The following ACSBG2 variants were observed in gnomAD, a reference collection of about 807,000 sequenced individuals.
The protein encoded by ACSBG2 is acyl-CoA synthetase bubblegum family member 2.
ACSBG2 carries 62 observed loss-of-function variants against 74.7 expected under a neutral mutation model. The observed-to-expected ratio is 0.83, with a 90% CI of 0.68 to 1.03. The LOEUF (loss-of-function observed/expected upper bound fraction) is 1.03. ACSBG2 is among the 50% of genes least tolerant of loss of function. The pLI, the probability that ACSBG2 is intolerant of heterozygous loss-of-function variation, is 0.00. For synonymous variants in ACSBG2, 309 were observed against 294.1 expected, an observed-to-expected ratio of 1.05 and a Z score of -0.52; for missense variants, 730 against 817.6, an observed-to-expected ratio of 0.89 and a Z score of 1.31.
chr19:6,177,739 CTTTT>C (rs34354988), intron 8 of ACSBG2, among the ~76,000 whole-genome samples: 181 of 150,466 alleles, frequency 1.2e-3, no homozygotes, highest in Middle Eastern at 3.4e-3. Flanking sequence ...AATAAAACAA[CTTTT>C]TTTTTTTTTT....
chr19:6,146,449 A>G (rs1568218729), intron 2 of ACSBG2, among the ~76,000 whole-genome samples: 1 of 143,120 alleles, frequency 7.0e-6, no homozygotes, highest in Admixed American at 7.2e-5. Flanking sequence ...CAGCCTGGGC[A>G]AAAGAGTGAG....
chr19:6,143,331 C>T (rs1055451139), intron 2 of ACSBG2, among the ~76,000 whole-genome samples: 4 of 151,912 alleles, frequency 2.6e-5, no homozygotes, highest in African/African-American at 9.7e-5. Context: ...TTGCAGTGAG[C>T]CAAGATCACA....
chr19:6,190,808 T>TACATAC (rs1202114244), intron 14 of ACSBG2, 116 bp downstream of exon 14: 3 of 387,634 alleles, frequency 7.7e-6, no homozygotes, highest in Middle Eastern at 1.4e-3. Flanking sequence ...CATACACACA[T>TACATAC]ACATACACAC....
rs1291996324 is a variant in ACSBG2, at chr19:6,182,677, G to T, written c.907-74G>T. On this transcript the variant is annotated intron_variant, in intron 8 of 14. Transcript: ENST00000588485. ...GGAATGTTCTCTTGGGCAAAGTTGG[G>T]TGGATCAGGAGAGATGGACATCCCT... 3 of 1,438,340 alleles carry T rather than the reference G, an allele frequency of 2.1e-6. No homozygotes were observed. The African/African-American group carries it at 4.3e-5, about 20-fold the overall frequency. The allele number at this position is 1,438,340 out of a possible 1,614,324, so 89.1% of individuals were successfully genotyped here.
chr19:6,187,292 T>C lies in ACSBG2; in HGVS notation c.1550T>C (p.Ile517Thr). ...YVTGHIKEIL[I>T]TAGGENVPPI... ...CCAAGCTCTGTTCCAGAAATCCTTA[T>C]CACTGCTGGTGGTGAAAATGTGCCC... Residue 517 changes from isoleucine to threonine, a missense_variant, in exon 12 of 15, where the codon ATC becomes ACC. Coordinates refer to ENST00000588485, the MANE Select transcript of ACSBG2 (RefSeq NM_030924.5). 1 of 1,614,166 alleles carries C rather than the reference T, an allele frequency of 6.2e-7. No homozygotes were observed.
rs201972135 is a variant in ACSBG2 at position 6,158,211 on chromosome 19, A to C, written c.507+1660A>C. Among the ~76,000 whole-genome samples the C allele has an allele frequency of 1.3e-4, 20 of 151,966 alleles. No individual in the cohort carries two copies. In the East Asian group the frequency reaches 3.7e-3, roughly 28 times the overall value. On this transcript the variant is annotated intron_variant, in intron 5 of 14. Transcript: ENST00000588485. ...GCTGGGACTACAGGTGCCTGCCACC[A>C]TGTCCAGCTAATTTTTTGTATTTTT...
rs145466665 is a variant in ACSBG2, at chr19:6,142,366, G to C, written c.67+756G>C. 6.0e-3 allele frequency among the ~76,000 whole-genome samples: 920 copies of C among 152,252 alleles called. 11 individuals carry two copies. Among genetic ancestry groups the C allele is most frequent in the African/African-American group, 0.021 (882 of 41,536 alleles). Reference sequence around the variant, plus strand: ...AGACAGCTCTGATACCAGTGGGTTGGGGGAGGTCCCCAAACGCCGGTGGGA... The same window carrying C: ...AGACAGCTCTGATACCAGTGGGTTGCGGGAGGTCCCCAAACGCCGGTGGGA... On this transcript the variant is annotated intron_variant, in intron 2 of 14. Coordinates refer to ENST00000588485, the MANE Select transcript of ACSBG2 (RefSeq NM_030924.5).
chr19:6,178,867 A>G (rs76445144), intron 8 of ACSBG2, among the ~76,000 whole-genome samples: 12,720 of 152,256 alleles, frequency 0.084, 935 homozygotes, highest in African/African-American at 0.2. Flanking sequence ...AAGAAAGGAC[A>G]CACATTCAGC....
rs777996983 is a variant in ACSBG2, at chr19:6,183,292, A to G, written c.1322+20A>G. On this transcript the variant is annotated intron_variant, in intron 10 of 14. Transcript: ENST00000588485. ...TCTAAGGTACCAGCCCCCGGGGCAGACCCCTGCTCCTCCCATAACATGGGG... is the reference window on the plus strand; with the variant it reads ...TCTAAGGTACCAGCCCCCGGGGCAGGCCCCTGCTCCTCCCATAACATGGGG... 2.5e-6 allele frequency: 4 copies of G among 1,605,332 alleles called. No homozygotes were observed. The Admixed American group carries it at 5.0e-5, about 20-fold the overall frequency.
In ACSBG2 at chr19:6,187,371, C is replaced by T. The variant is rs1372247930; in HGVS notation, c.1629C>T (p.Ala543=). 49 of 1,613,980 alleles carry T rather than the reference C, an allele frequency of 3.0e-5. No individual in the cohort carries two copies. The highest frequency in any genetic ancestry group is 4.1e-5 in the Non-Finnish European group (48 of 1,180,038). Residue 543 remains alanine, a synonymous_variant, in exon 12 of 15, where the codon GCC becomes GCT. Coordinates refer to ENST00000588485, the MANE Select transcript of ACSBG2 (RefSeq NM_030924.5). ...AGAAGATCCCCATCATCAGTAACGCCATGTTAGTAGGAGATAAACTGAAGT... is the reference window on the plus strand; with the variant it reads ...AGAAGATCCCCATCATCAGTAACGCTATGTTAGTAGGAGATAAACTGAAGT... ...VKKKIPIISN[A]MLVGDKLKFL...
At chr19:6,138,273 G>A (rs893664934) in intron 1 of ACSBG2, among the ~76,000 whole-genome samples, 5 of 151,938 alleles carry the variant, frequency 3.3e-5, no homozygotes, top group East Asian at 1.9e-4. Flanking sequence ...AGTTCTTGGC[G>A]GCCTCGTGCA....
At chr19:6,138,331 G>A (rs1374156268) in intron 1 of ACSBG2, among the ~76,000 whole-genome samples, 3 of 152,008 alleles carry the variant, frequency 2.0e-5, no homozygotes, top group African/African-American at 7.2e-5. Flanking sequence ...GCGCCTGGGT[G>A]ATGGGCCTCT....
At chr19:6,190,923 G>T (rs973607607) in intron 14 of ACSBG2, 2 of 346,268 alleles carry the variant, frequency 5.8e-6, no homozygotes, top group Non-Finnish European at 5.4e-6. Context: ...GGTCATGGTA[G>T]GGTGTGTAAA....
intron 13 of ACSBG2, 136 bp downstream of exon 13, chr19:6,187,981 C>A (rs1300626981): frequency 1.6e-6 from 2 of 1,272,426 alleles, no homozygotes; most frequent in African/African-American, 1.5e-5. Context: ...AGGCTGCCAC[C>A]TTCAGCTAAC....
At chr19:6,146,276 CCTGG>C (rs1008398624) in intron 2 of ACSBG2, among the ~76,000 whole-genome samples, 2 of 151,250 alleles carry the variant, frequency 1.3e-5, no homozygotes, top group Non-Finnish European at 2.9e-5. Flanking sequence ...TCGAGACCAG[CCTGG>C]GCTACATGGT....
chr19:6,156,572 G>A, intron 5 of ACSBG2, 21 bp downstream of exon 5: 2 of 1,514,654 alleles, frequency 1.3e-6, no homozygotes, highest in Non-Finnish European at 1.8e-6. Context: ...ACCCAGCACT[G>A]CCTGCCAAAG....
chr19:6,178,442 C>T (rs1163556688), intron 8 of ACSBG2, among the ~76,000 whole-genome samples: 1 of 151,964 alleles, frequency 6.6e-6, no homozygotes, highest in African/African-American at 2.4e-5. Context: ...GTTACAGTGC[C>T]ATGATCTCGG....
In ACSBG2 at chr19:6,180,728, G is replaced by A. The variant is rs1407881815; in HGVS notation, c.907-2023G>A. ...TCTTCACTAACGCATGTTACTATCT[G>A]TTTTATTATTATTATTGCCATTCTA... On this transcript the variant is annotated intron_variant, in intron 8 of 14. Transcript: ENST00000588485. This position sits in a 1 kb window ranked among gnomAD's most constrained non-coding sequence, Gnocchi z 4.3. 6.6e-6 allele frequency among the ~76,000 whole-genome samples: 1 copy of A among 152,078 alleles called. No individual in the cohort carries two copies. Among genetic ancestry groups the A allele is most frequent in the East Asian group, 1.9e-4 (1 of 5,204 alleles).
chr19:6,177,446 C>G (rs2090118279), intron 8 of ACSBG2, 50 bp downstream of exon 8: 2 of 1,519,436 alleles, frequency 1.3e-6, no homozygotes, highest in African/African-American at 2.8e-5. Flanking sequence ...CTTGGGCAGC[C>G]CAGGTGAGTA....
Sources: allele counts gnomAD v4.1 joint callset (sites outside exome capture counted in the v4.1 genomes callset), GRCh38; gene constraint gnomAD v4.1.1; non-coding constraint Gnocchi (gnomAD v3.1); transcripts MANE v1.5; gene names NCBI Gene and HGNC (gene_info 2026-07-23, HGNC 2026-07-21).